HIBADH: variants seen among roughly 807,000 people sequenced by gnomAD.
HIBADH encodes 3-hydroxyisobutyrate dehydrogenase.
HIBADH carries 25 observed loss-of-function variants against 36.1 expected under a neutral mutation model. That is an observed-to-expected ratio of 0.69 (90% CI 0.50 to 0.97). The LOEUF (loss-of-function observed/expected upper bound fraction) is 0.97. Among genes scored for constraint, HIBADH ranks in the 50% least tolerant of loss-of-function variants. HIBADH has a pLI of 0.00. For missense variants in HIBADH, 421 were observed against 418.0 expected, an observed-to-expected ratio of 1.01 and a Z score of -0.06; for synonymous variants, 160 against 149.5, an observed-to-expected ratio of 1.07 and a Z score of -0.51.
intron 1 of HIBADH, among the ~76,000 whole-genome samples, chr7:27,655,424 A>G (rs1177797512): frequency 6.6e-6 from 1 of 152,200 alleles, no homozygotes; most frequent in Non-Finnish European, 1.5e-5. Context: ...GGATAGGTAT[A>G]TATGTGGAAG....
At chr7:27,596,566 A>G (rs1562636411) in intron 4 of HIBADH, among the ~76,000 whole-genome samples, 1 of 152,242 alleles carries the variant, frequency 6.6e-6, no homozygotes, top group Non-Finnish European at 1.5e-5. Flanking sequence ...ATTTGCATTT[A>G]CATGAAAATA....
At chr7:27,596,900 C>T (rs1043542006) in intron 4 of HIBADH, among the ~76,000 whole-genome samples, 8 of 152,016 alleles carry the variant, frequency 5.3e-5, no homozygotes, top group South Asian at 2.1e-4. Context: ...TATGCTCAAG[C>T]TGTATATATG....
chr7:27,626,342 G>T (rs1278301252), intron 4 of HIBADH, among the ~76,000 whole-genome samples: 1 of 152,094 alleles, frequency 6.6e-6, no homozygotes, highest in Admixed American at 6.6e-5. Flanking sequence ...ACTATAAAGT[G>T]ATAACTACAC....
chr7:27,596,396 C>G (rs1167210544), intron 4 of HIBADH, among the ~76,000 whole-genome samples: 1 of 152,204 alleles, frequency 6.6e-6, no homozygotes, highest in East Asian at 1.9e-4. Context: ...AAGTTTCTAA[C>G]ACATGAATTC....
intron 1 of HIBADH, among the ~76,000 whole-genome samples, chr7:27,659,035 A>G (rs776946234): frequency 6.6e-6 from 1 of 152,236 alleles, no homozygotes; most frequent in Non-Finnish European, 1.5e-5. Context: ...AAAGGGAAAA[A>G]CTGCCATTAT....
chr7:27,546,678 T>C (rs990768012), intron 4 of HIBADH, among the ~76,000 whole-genome samples: 8 of 152,200 alleles, frequency 5.3e-5, no homozygotes, highest in Non-Finnish European at 8.8e-5. Context: ...TCTGGCAGCA[T>C]AGTGAATGGG....
chr7:27,632,651 T>C (rs1001340549), intron 2 of HIBADH, among the ~76,000 whole-genome samples: 3 of 151,778 alleles, frequency 2.0e-5, no homozygotes, highest in Non-Finnish European at 4.4e-5. Flanking sequence ...ATGCAGTTTC[T>C]GTGAAATCAA....
chr7:27,603,349 G>C (rs1785164660), intron 4 of HIBADH, among the ~76,000 whole-genome samples: 1 of 152,042 alleles, frequency 6.6e-6, no homozygotes, highest in Non-Finnish European at 1.5e-5. Flanking sequence ...AAACAAAAAT[G>C]TTACTTTGCA....
chr7:27,644,599 C>CAAAAAA (rs57443714), intron 2 of HIBADH, among the ~76,000 whole-genome samples: 20 of 112,648 alleles, frequency 1.8e-4, no homozygotes, highest in Non-Finnish European at 2.6e-4. Flanking sequence ...GACTCCATCT[C>CAAAAAA]AAAAAAAAAA....
chr7:27,644,762 T>TA lies in HIBADH; in HGVS notation c.252+4710dup, dbSNP rs769062186. ...CCTGGTGACAGAGTGAGACTCCATT[T>TA]AAAAAAAAAAAAAAAATCAGAAATC... On this transcript the variant is annotated intron_variant, in intron 2 of 7. Transcript: ENST00000265395. Among the ~76,000 whole-genome samples, 746 of 142,412 alleles carry TA rather than the reference T, an allele frequency of 5.2e-3. 5 individuals are homozygous for TA. The highest frequency in any genetic ancestry group is 0.012 in the African/African-American group (464 of 38,832). The allele number at this position is 142,412 out of a possible 152,430, so 93.4% of individuals were successfully genotyped here. A position where few individuals can be genotyped will look rare whatever the true frequency, so the allele number is the denominator to read the frequency against.
intron 4 of HIBADH, among the ~76,000 whole-genome samples, chr7:27,590,627 A>G (rs1784924640): frequency 6.6e-6 from 1 of 152,068 alleles, no homozygotes; most frequent in Non-Finnish European, 1.5e-5. Flanking sequence ...ACCACCACCC[A>G]CCTAATCCCT....
intron 4 of HIBADH, among the ~76,000 whole-genome samples, chr7:27,575,528 T>C (rs1784695648): frequency 6.6e-6 from 1 of 152,116 alleles, no homozygotes; most frequent in Non-Finnish European, 1.5e-5. Context: ...AGAAAGTTTC[T>C]GAACAATTTA....
chr7:27,655,608 TAAG>T (rs1786284634), intron 1 of HIBADH, among the ~76,000 whole-genome samples: 1 of 151,996 alleles, frequency 6.6e-6, no homozygotes, highest in African/African-American at 2.4e-5. Flanking sequence ...AAAATACAAA[TAAG>T]AAAAACACTC....
intron 2 of HIBADH, among the ~76,000 whole-genome samples, chr7:27,635,836 T>G (rs753870652): frequency 6.6e-6 from 1 of 152,208 alleles, no homozygotes; most frequent in South Asian, 2.1e-4. Context: ...ACTTATACTA[T>G]TATGAATTAA....
chr7:27,599,073 T>C lies in HIBADH; in HGVS notation c.484+30298A>G, dbSNP rs143791737. On this transcript the variant is annotated intron_variant, in intron 4 of 7. Coordinates refer to ENST00000265395, the MANE Select transcript of HIBADH (RefSeq NM_152740.4). ...CAGAACATCTTACAATGATATGTGA[T>C]TGCTCCCATTCAAAAATTTTAGTTC... Among the ~76,000 whole-genome samples the C allele has an allele frequency of 4.8e-3, 723 of 152,018 alleles. 13 individuals carry two copies. Among genetic ancestry groups the C allele is most frequent in the African/African-American group, 0.017 (685 of 41,448 alleles).
intron 1 of HIBADH, among the ~76,000 whole-genome samples, chr7:27,657,121 T>C (rs889823752): frequency 2.0e-5 from 3 of 152,110 alleles, no homozygotes; most frequent in Non-Finnish European, 2.9e-5. Flanking sequence ...AAGAGATTAA[T>C]GAAAGCATTG....
chr7:27,559,854 G>A (rs893832835), intron 4 of HIBADH, among the ~76,000 whole-genome samples: 1 of 152,104 alleles, frequency 6.6e-6, no homozygotes, highest in African/African-American at 2.4e-5. Flanking sequence ...TATATGTGTT[G>A]TCATTTTGAT....
At chr7:27,569,478 T>A (rs1438791716) in intron 4 of HIBADH, among the ~76,000 whole-genome samples, 2 of 152,156 alleles carry the variant, frequency 1.3e-5, no homozygotes, top group Admixed American at 6.5e-5. Context: ...TAGATGTGCA[T>A]CAGCCAGGAG....
intron 5 of HIBADH, among the ~76,000 whole-genome samples, chr7:27,539,545 G>A (rs1784115787): frequency 6.6e-6 from 1 of 152,060 alleles, no homozygotes; most frequent in Non-Finnish European, 1.5e-5. Context: ...ATCTCTGTCA[G>A]TCACCTCATA....
Sources: gnomAD v4.1 joint callset for allele counts (sites outside exome capture counted in the v4.1 genomes callset) on GRCh38, gnomAD v4.1.1 for gene constraint, MANE v1.5 for transcripts, NCBI Gene and HGNC (gene_info 2026-07-23, HGNC 2026-07-21) for gene names.